RIMS2: variants seen among roughly 807,000 people sequenced by gnomAD.
RIMS2 encodes regulating synaptic membrane exocytosis 2.
RIMS2 carries 59 observed loss-of-function variants against 174.4 expected under a neutral mutation model. The ratio of observed to expected loss-of-function variants is 0.34; its 90% CI spans 0.27 to 0.42. RIMS2 has a LOEUF of 0.42. RIMS2 is among the 10% of genes least tolerant of loss of function. RIMS2 has a pLI of 1.00. For synonymous variants in RIMS2, 606 were observed against 572.5 expected (o/e 1.06, Z -0.84); for missense variants, 1,620 against 1,666.3 (o/e 0.97, Z 0.48).
intron 19 of RIMS2, among the ~76,000 whole-genome samples, chr8:104,020,268 G>T (rs2154554830): frequency 6.6e-6 from 1 of 151,438 alleles, no homozygotes; most frequent in Non-Finnish European, 1.5e-5. Context: ...AATCACTATT[G>T]TCTATTTTCA....
chr8:104,057,043 C>T (rs1057434956), intron 19 of RIMS2, among the ~76,000 whole-genome samples: 2 of 151,374 alleles, frequency 1.3e-5, no homozygotes, highest in South Asian at 2.1e-4. Flanking sequence ...CCAAGTACAT[C>T]CTTTTTTCTT....
chr8:103,923,730 A>C (rs1484811947), intron 10 of RIMS2, among the ~76,000 whole-genome samples: 1 of 151,798 alleles, frequency 6.6e-6, no homozygotes, highest in African/African-American at 2.4e-5. Flanking sequence ...GTTCACACAT[A>C]TACCCATACC....
chr8:103,864,046 C>T (rs923189507), intron 3 of RIMS2, among the ~76,000 whole-genome samples: 5 of 151,924 alleles, frequency 3.3e-5, no homozygotes, highest in Non-Finnish European at 7.4e-5. Context: ...GCAGCTGGGA[C>T]TACAGGTGTG....
At chr8:103,790,635 A>G (rs2098488143) in intron 3 of RIMS2, among the ~76,000 whole-genome samples, 1 of 152,108 alleles carries the variant, frequency 6.6e-6, no homozygotes, top group African/African-American at 2.4e-5. Context: ...AGGGAGTATG[A>G]AGTGGTTTTT....
chr8:104,035,904 G>T (rs1360252636), intron 19 of RIMS2, among the ~76,000 whole-genome samples: 1 of 151,968 alleles, frequency 6.6e-6, no homozygotes, highest in African/African-American at 2.4e-5. Flanking sequence ...GACAAATCAG[G>T]TGATAGAATT....
chr8:104,198,172 C>G (rs1399552357), intron 19 of RIMS2, among the ~76,000 whole-genome samples: 1 of 151,930 alleles, frequency 6.6e-6, no homozygotes, highest in Non-Finnish European at 1.5e-5. Context: ...AAAGTTTTTG[C>G]TAAAAAAACA....
At chr8:104,203,752 C>T (rs372776348) in intron 19 of RIMS2, among the ~76,000 whole-genome samples, 1 of 152,072 alleles carries the variant, frequency 6.6e-6, no homozygotes, top group Non-Finnish European at 1.5e-5. Context: ...GATCTACCTG[C>T]CTTGGCCTCC....
chr8:103,814,634 G>A (rs1593007465), intron 3 of RIMS2, among the ~76,000 whole-genome samples: 1 of 152,146 alleles, frequency 6.6e-6, no homozygotes, highest in East Asian at 1.9e-4. Context: ...TAGCACTTTG[G>A]GAGGCTGAGG....
At chr8:103,789,244 G>T (rs1045096541) in intron 3 of RIMS2, among the ~76,000 whole-genome samples, 2 of 152,024 alleles carry the variant, frequency 1.3e-5, no homozygotes, top group South Asian at 2.1e-4. Flanking sequence ...TGTCGCTCTC[G>T]CTGGGAGCTG....
intron 1 of RIMS2, among the ~76,000 whole-genome samples, chr8:103,606,512 T>A (rs916706987): frequency 6.6e-6 from 1 of 152,312 alleles, no homozygotes; most frequent in Admixed American, 6.5e-5. Flanking sequence ...AGATGTCTAT[T>A]AGGTCTGCTT....
intron 19 of RIMS2, among the ~76,000 whole-genome samples, chr8:104,111,197 G>A (rs2098175637): frequency 6.6e-6 from 1 of 152,096 alleles, no homozygotes; most frequent in Non-Finnish European, 1.5e-5. Flanking sequence ...AATACAAGAT[G>A]AGATTTATCT....
intron 19 of RIMS2, among the ~76,000 whole-genome samples, chr8:104,217,208 G>A (rs985727): frequency 0.32 from 48,954 of 151,888 alleles, 8,069 homozygotes; most frequent in African/African-American, 0.39. Context: ...TCTCATTGCA[G>A]AGATAATGAA....
intron 15 of RIMS2, among the ~76,000 whole-genome samples, chr8:103,973,718 G>A (rs1015685797): frequency 6.6e-6 from 1 of 152,192 alleles, no homozygotes; most frequent in Non-Finnish European, 1.5e-5. Context: ...AATGAGCATT[G>A]TGTGCAGTTC....
At chr8:103,552,190 G>A (rs1848283833) in intron 1 of RIMS2, among the ~76,000 whole-genome samples, 2 of 152,140 alleles carry the variant, frequency 1.3e-5, no homozygotes, top group Admixed American at 6.6e-5. Context: ...CATGCTACCT[G>A]ACTTCAAACT....
At chr8:103,610,919 T>A (rs2095347073) in intron 1 of RIMS2, among the ~76,000 whole-genome samples, 1 of 152,192 alleles carries the variant, frequency 6.6e-6, no homozygotes, top group Non-Finnish European at 1.5e-5. Context: ...TTTCTATACA[T>A]CTGGTAGAAT....
chr8:104,106,408 ATAATT>A (rs1373823530), intron 19 of RIMS2, among the ~76,000 whole-genome samples: 4 of 152,208 alleles, frequency 2.6e-5, no homozygotes, highest in South Asian at 4.1e-4. Flanking sequence ...AGACAAAATA[ATAATT>A]TAGAGTTATA....
chr8:104,248,793 C>T (rs766771767), exon 21 of RIMS2: 2 of 1,596,612 alleles, frequency 1.3e-6, no homozygotes, highest in Non-Finnish European at 8.6e-7. Flanking sequence ...GGACGCCAGA[C>T]TCTGGCAACA....
At chr8:103,519,492 G>T (rs1830598734) in intron 1 of RIMS2, among the ~76,000 whole-genome samples, 1 of 151,892 alleles carries the variant, frequency 6.6e-6, no homozygotes, top group Non-Finnish European at 1.5e-5. Flanking sequence ...ACCCCTTCCA[G>T]TTCACATTTC....
chr8:103,857,061 T>C (rs2099031902), intron 3 of RIMS2, among the ~76,000 whole-genome samples: 1 of 152,168 alleles, frequency 6.6e-6, no homozygotes, highest in Admixed American at 6.6e-5. Context: ...ACTTTGAGTT[T>C]TTCCCCTACA....
Sources: gnomAD v4.1 joint callset for allele counts (sites outside exome capture counted in the v4.1 genomes callset) on GRCh38, gnomAD v4.1.1 for gene constraint, MANE v1.5 for transcripts, NCBI Gene and HGNC (gene_info 2026-07-23, HGNC 2026-07-21) for gene names.